FBXO34: variants seen among roughly 807,000 people sequenced by gnomAD.
The protein encoded by FBXO34 is F-box only protein 34.
In FBXO34, 12 loss-of-function variants were observed where a neutral mutation model predicts 24.5. That is an observed-to-expected ratio of 0.49 (90% CI 0.31 to 0.79). FBXO34 has a LOEUF of 0.79. Ranked by LOEUF, FBXO34 falls within the 30% of genes least tolerant of loss-of-function variation. The pLI, the probability that FBXO34 is intolerant of heterozygous loss-of-function variation, is 0.04. For missense variants in FBXO34, 823 were observed against 857.7 expected, an observed-to-expected ratio of 0.96 and a Z score of 0.51; for synonymous variants, 320 against 311.9, an observed-to-expected ratio of 1.03 and a Z score of -0.27.
chr14:55,438,017 G>A, the FBXO34 span, among the ~76,000 whole-genome samples: 4 of 152,206 alleles, frequency 2.6e-5, no homozygotes, highest in African/African-American at 9.6e-5. Context: ...AGCAACTAAT[G>A]TAAAATTCAT....
At chr14:55,322,981 G>A (rs1359869872) in intron 1 of FBXO34, among the ~76,000 whole-genome samples, 2 of 140,572 alleles carry the variant, frequency 1.4e-5, no homozygotes, top group South Asian at 2.3e-4. Flanking sequence ...AGACCATCCC[G>A]GCTAACACGG....
At chr14:55,385,431 T>C in the FBXO34 span, among the ~76,000 whole-genome samples, 1 of 152,204 alleles carries the variant, frequency 6.6e-6, no homozygotes, top group Non-Finnish European at 1.5e-5. Context: ...TAGCTGGGAC[T>C]ACAGGCACGC....
chr14:55,309,560 A>G (rs1198804992), intron 1 of FBXO34, among the ~76,000 whole-genome samples: 1 of 152,234 alleles, frequency 6.6e-6, no homozygotes, highest in African/African-American at 2.4e-5. Flanking sequence ...CTAGCTTGCC[A>G]AGAACAAAAG....
At chr14:55,374,843 T>G (rs886296120), downstream of FBXO34, among the ~76,000 whole-genome samples, 2 of 152,208 alleles carry the variant, frequency 1.3e-5, no homozygotes, top group South Asian at 2.1e-4. Flanking sequence ...CGGGACTATT[T>G]TCTTCCTCTA....
At chr14:55,341,959 A>C (rs1884007985) in intron 1 of FBXO34, among the ~76,000 whole-genome samples, 1 of 152,220 alleles carries the variant, frequency 6.6e-6, no homozygotes, top group Admixed American at 6.5e-5. Context: ...CTACTCCAAC[A>C]AAAGTGGGCT....
chr14:55,424,357 A>G, the FBXO34 span: 7 of 675,252 alleles, frequency 1.0e-5, no homozygotes, highest in Non-Finnish European at 1.8e-5. Flanking sequence ...GCAGTTGTAA[A>G]TAAGTTAGCT....
At chr14:55,276,645 G>T (rs1053842647) in intron 1 of FBXO34, among the ~76,000 whole-genome samples, 2 of 152,100 alleles carry the variant, frequency 1.3e-5, no homozygotes, top group Admixed American at 6.6e-5. Context: ...AAGCGGGGGG[G>T]TCTAGTTAAA....
At chr14:55,406,105 T>C in the FBXO34 span, among the ~76,000 whole-genome samples, 1 of 152,202 alleles carries the variant, frequency 6.6e-6, no homozygotes, top group Non-Finnish European at 1.5e-5. Flanking sequence ...AGACACATGG[T>C]TCCCTTCTTA....
At chr14:55,386,732 CTCG>C in the FBXO34 span, among the ~76,000 whole-genome samples, 83 of 152,302 alleles carry the variant, frequency 5.4e-4, no homozygotes, top group Non-Finnish European at 1.0e-3. Context: ...GAGACATACA[CTCG>C]TCCTGTCAGA....
At position 55,351,752 on chromosome 14, in the gene FBXO34, G is replaced by A. The variant is rs1291832379; in HGVS notation, c.1362G>A (p.Leu454=). The A allele has an allele frequency of 1.2e-6, 2 of 1,614,154 alleles. No homozygotes were observed. Among genetic ancestry groups the A allele is most frequent in the East Asian group, 2.2e-5 (1 of 44,888 alleles). Residue 454 remains leucine (L), a synonymous_variant, in exon 2 of 2, where the codon TTG becomes TTA. Coordinates refer to ENST00000313833, the MANE Select transcript of FBXO34 (RefSeq NM_017943.4). ...SRNPDQRKES[L]CISITVSKVD... ...ATCCTGATCAAAGAAAAGAATCTTT[G>A]TGCATTAGTATCACTGTGTCCAAGG... is the stretch of plus-strand genomic sequence containing the variant.
At chr14:55,286,111 A>G (rs1476716412) in intron 1 of FBXO34, among the ~76,000 whole-genome samples, 1 of 152,166 alleles carries the variant, frequency 6.6e-6, no homozygotes, top group Non-Finnish European at 1.5e-5. Context: ...ATTCCTTCCA[A>G]TCAATAACTT....
the FBXO34 span, among the ~76,000 whole-genome samples, chr14:55,387,819 C>T: frequency 3.3e-5 from 5 of 152,226 alleles, no homozygotes; most frequent in South Asian, 8.3e-4. Context: ...CAGGCACACA[C>T]CACCACACCC....
chr14:55,328,488 G>C (rs758316785), intron 1 of FBXO34, among the ~76,000 whole-genome samples: 6 of 152,232 alleles, frequency 3.9e-5, no homozygotes, highest in African/African-American at 1.2e-4. Flanking sequence ...CCTAGACAGC[G>C]TGGATGCCCT....
chr14:55,331,693 ATATATATATATG>A lies in FBXO34; in HGVS notation c.-10-18650_-10-18639del, dbSNP rs1197039211. Among the ~76,000 whole-genome samples the A allele has an allele frequency of 4.0e-3, 266 of 66,540 alleles. 54 individuals are homozygous for A. Among genetic ancestry groups the A allele is most frequent in the East Asian group, 0.015 (39 of 2,530 alleles). The allele number at this position is 66,540 out of a possible 152,430, so 43.7% of individuals were successfully genotyped here. A position where few individuals can be genotyped will look rare whatever the true frequency, so the allele number is the denominator to read the frequency against. On this transcript the variant is annotated intron_variant, in intron 1 of 1. Transcript: ENST00000313833. ...TGTGTATATATATATATGTGTATAT[ATATATATATATG>A]TATATATATATGTATATATATATGT...
chr14:55,325,556 A>G (rs1431184079), intron 1 of FBXO34, among the ~76,000 whole-genome samples: 1 of 151,482 alleles, frequency 6.6e-6, no homozygotes, highest in Non-Finnish European at 1.5e-5. Context: ...GCTCATCGCA[A>G]CCTCCGCCTC....
the FBXO34 span, among the ~76,000 whole-genome samples, chr14:55,402,421 G>C: frequency 6.6e-6 from 1 of 152,042 alleles, no homozygotes; most frequent in East Asian, 1.9e-4. Flanking sequence ...GCATTTCAAA[G>C]AATCTATCCT....
chr14:55,390,035 G>C, the FBXO34 span, among the ~76,000 whole-genome samples: 1 of 151,324 alleles, frequency 6.6e-6, no homozygotes, highest in Non-Finnish European at 1.5e-5. Context: ...AAGACTCTGA[G>C]CTTCCTGCTA....
At chr14:55,434,303 A>G in the FBXO34 span, among the ~76,000 whole-genome samples, 1 of 152,212 alleles carries the variant, frequency 6.6e-6, no homozygotes, top group Non-Finnish European at 1.5e-5. Context: ...GTCATTCAAG[A>G]CCAGCAGCAT....
chr14:55,374,713 G>C (rs1884886586), downstream of FBXO34, among the ~76,000 whole-genome samples: 1 of 152,026 alleles, frequency 6.6e-6, no homozygotes, highest in Admixed American at 6.6e-5. Flanking sequence ...ATAGAATGTG[G>C]TATGAACTCA....
Sources: allele counts gnomAD v4.1 joint callset (sites outside exome capture counted in the v4.1 genomes callset), GRCh38; gene constraint gnomAD v4.1.1; transcripts MANE v1.5; gene names NCBI Gene and HGNC (gene_info 2026-07-23, HGNC 2026-07-21).